The following VPS13C variants were observed in gnomAD, a reference collection of about 807,000 sequenced individuals.
VPS13C encodes the protein intermembrane lipid transfer protein VPS13C.
Under a neutral mutation model 456.8 loss-of-function variants are expected in VPS13C, and 358 were observed. The ratio of observed to expected loss-of-function variants is 0.78; its 90% CI spans 0.72 to 0.86. The LOEUF (loss-of-function observed/expected upper bound fraction) is 0.86, where lower values mean the gene tolerates loss of function less well. Ranked by LOEUF, VPS13C falls within the 40% of genes least tolerant of loss-of-function variation. VPS13C has a pLI of 0.00. For synonymous variants in VPS13C, 1,578 were observed against 1,486.7 expected (o/e 1.06, Z -1.41); for missense variants, 4,818 against 4,385.4 (o/e 1.10, Z -2.79).
intron 71 of VPS13C, among the ~76,000 whole-genome samples, chr15:61,881,258 CA>C (rs1436491240): frequency 1.3e-5 from 2 of 152,160 alleles, no homozygotes; most frequent in East Asian, 3.9e-4. Flanking sequence ...TTAAAGTTCA[CA>C]GCAATTACAT....
rs568557216 is a variant in VPS13C at position 61,961,232 on chromosome 15, T to C, written c.3908+357A>G. On this transcript the variant is annotated intron_variant, in intron 35 of 84. Transcript: ENST00000644861. ...GGTGAAACCCCATTTCTATTAAAAA[T>C]ACAAAAAAAATTAGCCAGGCATGGT... is the stretch of plus-strand genomic sequence containing the variant. Among the ~76,000 whole-genome samples the C allele has an allele frequency of 5.1e-4, 74 of 146,532 alleles. 1 individual carries two copies. Among genetic ancestry groups the C allele is most frequent in the Non-Finnish European group, 6.9e-4 (46 of 66,324 alleles).
chr15:62,055,479 G>C (rs2140805467), intron 1 of VPS13C, among the ~76,000 whole-genome samples: 1 of 149,940 alleles, frequency 6.7e-6, no homozygotes, highest in Admixed American at 6.7e-5. Flanking sequence ...CTGACCTCGT[G>C]ATCTGCCTGC....
Position 61,954,435 on chromosome 15 carries a change from A to T in VPS13C, c.4285T>A (p.Phe1429Ile), listed in dbSNP as rs1252359199. Reference protein sequence around the residue: ...SVDIINMLLNFEIKEVVVTLM... With the variant: ...SVDIINMLLNIEIKEVVVTLM... ...AAATTACACACCTCTTTAATTTCAAAATTCAGCAGCATATTAATGATGTCT... is the reference window on the plus strand; with the variant it reads ...AAATTACACACCTCTTTAATTTCAATATTCAGCAGCATATTAATGATGTCT... The change falls in exon 38 of 85, where the codon TTT becomes ATT. Residue 1429 changes from phenylalanine to isoleucine, a missense_variant. Phe to Ile is a conservative substitution (Grantham distance 21). Coordinates refer to ENST00000644861, the MANE Select transcript of VPS13C (RefSeq NM_020821.3). 3 of 1,602,942 alleles carry T rather than the reference A, an allele frequency of 1.9e-6. No individual in the cohort carries two copies. The South Asian group carries it at 3.4e-5, about 18-fold the overall frequency.
intron 46 of VPS13C, 34 bp downstream of exon 46, chr15:61,941,729 G>C (rs2044431597): frequency 1.3e-6 from 2 of 1,531,278 alleles, no homozygotes; most frequent in Non-Finnish European, 1.8e-6. Flanking sequence ...CCTATTTCTA[G>C]TAAGCAATAC....
intron 34 of VPS13C, 126 bp from the exon 35 acceptor site, chr15:61,962,019 T>A: frequency 9.4e-7 from 1 of 1,066,932 alleles, no homozygotes; most frequent in Non-Finnish European, 1.3e-6. Flanking sequence ...TTGAGCCCTA[T>A]TTTTCTAGCA....
intron 15 of VPS13C, among the ~76,000 whole-genome samples, chr15:62,001,234 A>G (rs968604905): frequency 3.3e-5 from 5 of 152,208 alleles, no homozygotes; most frequent in Middle Eastern, 3.2e-3. Context: ...ACTAGACCTG[A>G]GAGTTTGAGA....
chr15:61,983,953 G>A lies in VPS13C; in HGVS notation c.1781C>T (p.Pro594Leu). ...GTCACCAATTGAAGCCACAAGTGAT[G>A]GCACAATATCCTGCTGTCTCAAACC... The part of the protein sequence containing the change: ...ITGLRQQDIV[P>L]SLVASIGDTT... The change falls in exon 20 of 85, where the codon CCA becomes CTA. Residue 594 changes from proline to leucine, a missense_variant. By Grantham distance (98) the Pro-to-Leu change is moderately conservative (BLOSUM62 -3). Coordinates refer to ENST00000644861, the MANE Select transcript of VPS13C (RefSeq NM_020821.3). 1 of 1,614,122 alleles carries A rather than the reference G, an allele frequency of 6.2e-7. No individual in the cohort carries two copies. Among genetic ancestry groups the A allele is most frequent in the Middle Eastern group, 1.7e-4 (1 of 6,060 alleles).
intron 8 of VPS13C, among the ~76,000 whole-genome samples, chr15:62,021,444 T>C (rs186516655): frequency 3.4e-4 from 52 of 152,014 alleles, no homozygotes; most frequent in Non-Finnish European, 5.5e-4. Flanking sequence ...CAACATTAAG[T>C]TTTTGTTGTA....
At chr15:62,009,352 C>T (rs1467416269) in intron 13 of VPS13C, among the ~76,000 whole-genome samples, 1 of 150,302 alleles carries the variant, frequency 6.7e-6, no homozygotes, top group Non-Finnish European at 1.5e-5. Context: ...AACATGAAAG[C>T]AGAGAAGATT....
At chr15:61,981,236 C>A in intron 22 of VPS13C, 106 bp downstream of exon 22, 4 of 1,284,280 alleles carry the variant, frequency 3.1e-6, no homozygotes, top group East Asian at 5.2e-5. Flanking sequence ...AAAAATAAGT[C>A]TACATTTAGT....
In VPS13C at chr15:61,919,436, A is replaced by G; in HGVS notation, c.7491T>C (p.Tyr2497=). The change falls in exon 58 of 85, where the codon TAT becomes TAC. Residue 2497 remains tyrosine (Y), a synonymous_variant. Transcript: ENST00000644861. ...CCACAGGGATATTTGCAACTTCTGT[A>G]TATCCATGAGGTACTAAGGCAGTGC... The part of the protein sequence containing the change: ...FFTLTIVPHG[Y]TEVANIPVAR... 1 of 1,586,246 alleles carries G rather than the reference A, an allele frequency of 6.3e-7. No homozygotes were observed. Among genetic ancestry groups the G allele is most frequent in the Non-Finnish European group, 8.5e-7 (1 of 1,169,636 alleles).
At chr15:61,860,302 CA>C (rs1386350099) in intron 82 of VPS13C, among the ~76,000 whole-genome samples, 1 of 151,834 alleles carries the variant, frequency 6.6e-6, no homozygotes, top group African/African-American at 2.4e-5. Context: ...ATCAAGCTAG[CA>C]AAAAATAAAA....
At chr15:62,037,461 T>TTATATTGTAAG (rs71125962) in intron 3 of VPS13C, among the ~76,000 whole-genome samples, 5 of 81,742 alleles carry the variant, frequency 6.1e-5, no homozygotes, top group African/African-American at 1.7e-4. Flanking sequence ...TATATAAATA[T>TTATATTGTAAG]AATATAATAA....
chr15:61,852,853 T>C lies in VPS13C; in HGVS notation c.*1604A>G, dbSNP rs1258208811. 1 of 152,136 alleles carries C rather than the reference T, an allele frequency of 6.6e-6. No individual in the cohort carries two copies. Among genetic ancestry groups the C allele is most frequent in the Non-Finnish European group, 1.5e-5 (1 of 68,014 alleles). 9.4% of individuals were successfully genotyped at this position (152,136 alleles called of 1,614,324 possible). A position where few individuals can be genotyped will look rare whatever the true frequency, so the allele number is the denominator to read the frequency against. ...TGCATTCTCTTTTTAGAATATACAT[T>C]AAGTAACACTAGTAAAATTTAAAGT... On this transcript the variant is annotated 3_prime_UTR_variant, in exon 85 of 85. Transcript: ENST00000644861.
chr15:62,009,291 G>A (rs2046960613), intron 13 of VPS13C, among the ~76,000 whole-genome samples: 1 of 151,768 alleles, frequency 6.6e-6, no homozygotes, highest in African/African-American at 2.4e-5. Flanking sequence ...CAGCAACTCT[G>A]TGTAGATCTG....
chr15:61,859,558 C>T (rs551179628), intron 82 of VPS13C, among the ~76,000 whole-genome samples: 181 of 152,202 alleles, frequency 1.2e-3, no homozygotes, highest in Middle Eastern at 6.8e-3. Context: ...CCTCCACTTG[C>T]CTCTAGTTTA....
At chr15:61,968,771 G>A (rs2045457857) in intron 28 of VPS13C, among the ~76,000 whole-genome samples, 1 of 151,760 alleles carries the variant, frequency 6.6e-6, no homozygotes, top group Admixed American at 6.6e-5. Flanking sequence ...TTTATAATCT[G>A]GTGTTTCTTG....
intron 16 of VPS13C, among the ~76,000 whole-genome samples, chr15:61,993,260 T>C (rs35259011): frequency 0.058 from 8,858 of 152,236 alleles, 333 homozygotes; most frequent in Non-Finnish European, 0.084. Flanking sequence ...CTGATAGCTT[T>C]AAGTTTTAAA....
In VPS13C at chr15:61,918,261, T is replaced by C. The variant is rs767947849; in HGVS notation, c.7639-4A>G. 3.3e-6 allele frequency: 5 copies of C among 1,534,866 alleles called. No individual in the cohort carries two copies. Among genetic ancestry groups the C allele is most frequent in the Non-Finnish European group, 4.4e-6 (5 of 1,146,604 alleles). On this transcript the variant is annotated splice_polypyrimidine_tract_variant and splice_region_variant and intron_variant, in intron 58 of 84. Transcript: ENST00000644861. The stretch of plus-strand genomic sequence containing the variant: ...CAATGGAGAAATGGTTTTTGATCTG[T>C]TGGACAAAAAAAAATACAAGTTTTT...
Sources: allele counts gnomAD v4.1 joint callset (sites outside exome capture counted in the v4.1 genomes callset), GRCh38; gene constraint gnomAD v4.1.1; transcripts MANE v1.5; gene names NCBI Gene and HGNC (gene_info 2026-07-23, HGNC 2026-07-21).